Variants in C1QTNF7 observed in about 807,000 individuals in gnomAD.
The protein encoded by C1QTNF7 is complement C1q tumor necrosis factor-related protein 7.
C1QTNF7 carries 15 observed loss-of-function variants against 19.6 expected under a neutral mutation model. The observed-to-expected ratio is 0.76, with a 90% CI of 0.51 to 1.18. C1QTNF7 has a LOEUF of 1.18. C1QTNF7 is among the 50% of genes most tolerant of loss of function. C1QTNF7 has a pLI of 0.00. For synonymous variants in C1QTNF7, 142 were observed against 137.5 expected, an observed-to-expected ratio of 1.03 and a Z score of -0.23; for missense variants, 324 against 359.7, an observed-to-expected ratio of 0.90 and a Z score of 0.80.
intron 1 of C1QTNF7, among the ~76,000 whole-genome samples, chr4:15,392,574 A>C (rs1718607407): frequency 6.6e-6 from 1 of 152,188 alleles, no homozygotes; most frequent in African/African-American, 2.4e-5. Context: ...CTCTCCAGGG[A>C]GGACCTGGTA....
chr4:15,345,470 C>T (rs1716684472), intron 1 of C1QTNF7, among the ~76,000 whole-genome samples: 1 of 152,188 alleles, frequency 6.6e-6, no homozygotes, highest in African/African-American at 2.4e-5. Flanking sequence ...GAAAATCTCC[C>T]ATCAAGGATG....
At chr4:15,430,009 A>G (rs1014445241) in intron 1 of C1QTNF7, among the ~76,000 whole-genome samples, 2 of 152,164 alleles carry the variant, frequency 1.3e-5, no homozygotes, top group East Asian at 1.9e-4. Flanking sequence ...CAGGATTTCA[A>G]TCTTTGTACT....
chr4:15,439,844 TTA>T (rs200010034), intron 2 of C1QTNF7, among the ~76,000 whole-genome samples: 1 of 152,014 alleles, frequency 6.6e-6, no homozygotes, highest in Non-Finnish European at 1.5e-5. Flanking sequence ...ATCATTGCTG[TTA>T]TATATATAAA....
chr4:15,366,434 A>G (rs1427047503), intron 1 of C1QTNF7, among the ~76,000 whole-genome samples: 1 of 152,210 alleles, frequency 6.6e-6, no homozygotes, highest in Non-Finnish European at 1.5e-5. Flanking sequence ...ATGGCACATG[A>G]AAAACTGCGG....
intron 1 of C1QTNF7, among the ~76,000 whole-genome samples, chr4:15,419,294 C>T (rs560226761): frequency 1.3e-5 from 2 of 152,268 alleles, no homozygotes; most frequent in Admixed American, 6.5e-5. Flanking sequence ...ACAAAACTTT[C>T]AATGTAATCT....
chr4:15,341,580 C>A (rs1716538492), intron 1 of C1QTNF7, among the ~76,000 whole-genome samples: 1 of 152,200 alleles, frequency 6.6e-6, no homozygotes, highest in Non-Finnish European at 1.5e-5. Context: ...ACTGCCAATT[C>A]CTTATCCTTC....
chr4:15,365,929 G>A (rs1012956083), intron 1 of C1QTNF7, among the ~76,000 whole-genome samples: 1 of 152,096 alleles, frequency 6.6e-6, no homozygotes, highest in African/African-American at 2.4e-5. Flanking sequence ...GGAGGCAGCA[G>A]GAGTGAAGGA....
chr4:15,432,522 A>C (rs1371284060), intron 1 of C1QTNF7, among the ~76,000 whole-genome samples: 3 of 152,154 alleles, frequency 2.0e-5, no homozygotes, highest in African/African-American at 7.2e-5. Flanking sequence ...CAGCCTCTCG[A>C]GTAGCTGGAA....
intron 1 of C1QTNF7, among the ~76,000 whole-genome samples, chr4:15,366,378 T>C (rs931115914): frequency 2.6e-5 from 4 of 152,132 alleles, no homozygotes; most frequent in African/African-American, 7.2e-5. Context: ...GTTGAGGGCA[T>C]GTTAAGTTAG....
chr4:15,378,967 A>C (rs1718044057), intron 1 of C1QTNF7, among the ~76,000 whole-genome samples: 1 of 152,204 alleles, frequency 6.6e-6, no homozygotes, highest in South Asian at 2.1e-4. Context: ...CCTTGGCTGT[A>C]ACAATCCAAA....
chr4:15,370,832 C>A (rs1717694600), intron 1 of C1QTNF7, among the ~76,000 whole-genome samples: 1 of 152,126 alleles, frequency 6.6e-6, no homozygotes, highest in South Asian at 2.1e-4. Flanking sequence ...CTCTCATTGG[C>A]CCTCCAAACA....
chr4:15,434,743 T>A (rs112442982), intron 1 of C1QTNF7, among the ~76,000 whole-genome samples: 1 of 152,180 alleles, frequency 6.6e-6, no homozygotes, highest in African/African-American at 2.4e-5. Flanking sequence ...CTAGGCTTTA[T>A]GGGGGAGTCC....
intron 1 of C1QTNF7, among the ~76,000 whole-genome samples, chr4:15,396,337 A>G (rs969063019): frequency 4.6e-5 from 7 of 152,160 alleles, no homozygotes; most frequent in African/African-American, 1.7e-4. Context: ...TGGGAGGGGC[A>G]GGGGGCAGAC....
At chr4:15,369,556 A>G (rs910766508) in intron 1 of C1QTNF7, among the ~76,000 whole-genome samples, 1 of 152,216 alleles carries the variant, frequency 6.6e-6, no homozygotes, top group Admixed American at 6.5e-5. Flanking sequence ...TCATATATAA[A>G]TTATTTTACC....
chr4:15,381,200 G>A (rs959254412), intron 1 of C1QTNF7, among the ~76,000 whole-genome samples: 3 of 152,048 alleles, frequency 2.0e-5, no homozygotes, highest in Non-Finnish European at 2.9e-5. Context: ...GGTGGATCAC[G>A]AGGTCAGAAG....
At chr4:15,394,225 GGAT>G (rs1718692957) in intron 1 of C1QTNF7, among the ~76,000 whole-genome samples, 1 of 152,230 alleles carries the variant, frequency 6.6e-6, no homozygotes, top group African/African-American at 2.4e-5. Flanking sequence ...GAGGTGCAAG[GGAT>G]GATAAGAGGA....
At chr4:15,417,231 A>T (rs944960893) in intron 1 of C1QTNF7, among the ~76,000 whole-genome samples, 1 of 152,174 alleles carries the variant, frequency 6.6e-6, no homozygotes, top group African/African-American at 2.4e-5. Flanking sequence ...GAACATTAAC[A>T]ATCTTGTGCA....
At chr4:15,383,248 A>G (rs781690244) in intron 1 of C1QTNF7, among the ~76,000 whole-genome samples, 6 of 151,972 alleles carry the variant, frequency 3.9e-5, no homozygotes, top group African/African-American at 9.7e-5. Context: ...TCTTCCCCCA[A>G]TCCCCCCAAA....
chr4:15,373,798 C>G (rs1161382512), intron 1 of C1QTNF7: 1 of 152,194 alleles, frequency 6.6e-6, no homozygotes, highest in Non-Finnish European at 1.5e-5. Flanking sequence ...CTATACTCCT[C>G]CTTCTCCATC....
Sources: gnomAD v4.1 joint callset for allele counts (sites outside exome capture counted in the v4.1 genomes callset) on GRCh38, gnomAD v4.1.1 for gene constraint, MANE v1.5 for transcripts, NCBI Gene and HGNC (gene_info 2026-07-23, HGNC 2026-07-21) for gene names.